ZNF532: variants seen among roughly 807,000 people sequenced by gnomAD.
ZNF532 encodes the protein zinc finger protein 532.
A neutral mutation model predicts 89.3 loss-of-function variants in ZNF532; 22 were observed. That is an observed-to-expected ratio of 0.25 (90% confidence interval 0.18 to 0.35). ZNF532 has a LOEUF of 0.35. ZNF532 is among the 10% of genes least tolerant of loss of function. The pLI, the probability that ZNF532 is intolerant of heterozygous loss-of-function variation, is 1.00. For missense variants in ZNF532, 1,132 were observed against 1,643.4 expected (o/e 0.69, Z 5.38); for synonymous variants, 606 against 649.6 (o/e 0.93, Z 1.02).
intron 5 of ZNF532, 33 bp downstream of exon 5, chr18:58,939,654 CT>C: frequency 6.3e-7 from 1 of 1,586,372 alleles, no homozygotes; most frequent in Non-Finnish European, 8.6e-7. Flanking sequence ...TTTTACTCCA[CT>C]GCTTTATTAG....
chr18:58,969,448 C>T (rs529083485), intron 7 of ZNF532, among the ~76,000 whole-genome samples: 5 of 152,222 alleles, frequency 3.3e-5, no homozygotes, highest in Non-Finnish European at 7.3e-5. Flanking sequence ...AGAGGGGCGT[C>T]TTCATCGCTG....
chr18:58,879,685 G>A (rs1020013879), intron 2 of ZNF532, among the ~76,000 whole-genome samples: 1 of 152,168 alleles, frequency 6.6e-6, no homozygotes, highest in African/African-American at 2.4e-5. Context: ...CACCATGCCC[G>A]GCTGTTGGCA....
At chr18:58,923,939 C>T (rs2061330452) in intron 3 of ZNF532, among the ~76,000 whole-genome samples, 1 of 152,148 alleles carries the variant, frequency 6.6e-6, no homozygotes, top group South Asian at 2.1e-4. Flanking sequence ...TCATGGCAAC[C>T]TCTGCCTCCT....
chr18:58,978,700 G>C (rs1250664246), intron 7 of ZNF532, among the ~76,000 whole-genome samples: 1 of 152,040 alleles, frequency 6.6e-6, no homozygotes, highest in African/African-American at 2.4e-5. Context: ...TGAAAGTTTG[G>C]GAACAGAAGT....
At chr18:58,863,699 G>C (rs932374278), upstream of ZNF532, 1 of 152,334 alleles carries the variant, frequency 6.6e-6, no homozygotes, top group African/African-American at 2.4e-5. Flanking sequence ...CATCCGAGCT[G>C]CGGCCCAGAC....
At chr18:58,970,503 A>C (rs947400230) in intron 7 of ZNF532, among the ~76,000 whole-genome samples, 1 of 152,234 alleles carries the variant, frequency 6.6e-6, no homozygotes, top group Non-Finnish European at 1.5e-5. Flanking sequence ...CAAATAGGGC[A>C]GCAAAGATTT....
At position 58,890,782 on chromosome 18, in the gene ZNF532, CCTCAGACCTCTTT is replaced by C. The variant is rs550485079; in HGVS notation, c.-18+25204_-18+25216del. Among the ~76,000 whole-genome samples, 57 of 152,066 alleles carry C rather than the reference CCTCAGACCTCTTT, an allele frequency of 3.7e-4. No homozygotes were observed. In the South Asian group the frequency reaches 5.4e-3, roughly 14 times the overall value. ...CTCCCCCACTCCACCTCTTCCTCTT[CCTCAGACCTCTTT>C]ACCTCTTCTTCCCGGTAGGTAAATG... On this transcript the variant is annotated intron_variant, in intron 2 of 9. Transcript: ENST00000591808.
At chr18:58,890,093 A>G (rs575426741) in intron 2 of ZNF532, among the ~76,000 whole-genome samples, 9 of 151,786 alleles carry the variant, frequency 5.9e-5, no homozygotes, top group Admixed American at 4.6e-4. Context: ...AAAGAAAAAA[A>G]AAAATTAGCT....
chr18:58,918,930 T>C lies in ZNF532; in HGVS notation c.643T>C (p.Tyr215His), dbSNP rs2060811566. ...AGCCAGTTCTATAAACCTGAGTGTTTATGAACCTTTTAAAGTCAGAAAAGC... is the reference window on the plus strand; with the variant it reads ...AGCCAGTTCTATAAACCTGAGTGTTCATGAACCTTTTAAAGTCAGAAAAGC... ...TEASSINLSV[Y>H]EPFKVRKAED... Residue 215 changes from tyrosine (Y) to histidine (H), a missense_variant, in exon 3 of 10, where the codon TAT (tyrosine) becomes CAT (histidine). By Grantham distance (83) the Tyr-to-His change is moderately conservative (BLOSUM62 2). Transcript: ENST00000591808. 1.2e-6 allele frequency: 2 copies of C among 1,613,934 alleles called. No individual in the cohort carries two copies. The highest frequency in any genetic ancestry group is 2.2e-5 in the East Asian group (1 of 44,882).
chr18:58,951,867 T>A (rs1208161364), intron 6 of ZNF532, among the ~76,000 whole-genome samples: 2 of 152,138 alleles, frequency 1.3e-5, no homozygotes, highest in African/African-American at 4.8e-5. Context: ...GCCAGGTTGG[T>A]CTCGATCTCC....
chr18:58,893,502 A>G (rs2059042845), intron 2 of ZNF532, among the ~76,000 whole-genome samples: 1 of 151,780 alleles, frequency 6.6e-6, no homozygotes, highest in Non-Finnish European at 1.5e-5. Flanking sequence ...ACAAAATACC[A>G]AATATTAGCC....
intron 2 of ZNF532, among the ~76,000 whole-genome samples, chr18:58,893,680 T>G (rs972506034): frequency 1.3e-5 from 2 of 149,082 alleles, no homozygotes; most frequent in African/African-American, 4.9e-5. Flanking sequence ...AAGAAAGAAA[T>G]GAGATAATTG....
At position 58,939,636 on chromosome 18, in the gene ZNF532, C is replaced by T; in HGVS notation, c.2705+15C>T. 1 of 1,603,870 alleles carries T rather than the reference C, an allele frequency of 6.2e-7. No homozygotes were observed. Among genetic ancestry groups the T allele is most frequent in the Non-Finnish European group, 8.5e-7 (1 of 1,175,672 alleles). ...GGAGAACCAAAGTAAGTCATACCGA[C>T]TTTCAAGTTTTACTCCACTGCTTTA... On this transcript the variant is annotated intron_variant, in intron 5 of 9. Transcript: ENST00000591808.
chr18:58,927,752 T>C (rs1291255704), intron 3 of ZNF532, among the ~76,000 whole-genome samples: 2 of 152,194 alleles, frequency 1.3e-5, no homozygotes, highest in African/African-American at 4.8e-5. Context: ...TGTCCTGTCT[T>C]CAAGGAGAGA....
At chr18:58,885,586 G>C (rs565496382) in intron 2 of ZNF532, among the ~76,000 whole-genome samples, 24 of 152,236 alleles carry the variant, frequency 1.6e-4, no homozygotes, top group Admixed American at 1.1e-3. Flanking sequence ...TGGGCATGGT[G>C]GCTCATGCCT....
Position 58,985,061 on chromosome 18 carries a change from GC to G in ZNF532, c.*597del, listed in dbSNP as rs2068261677. ...GGACGTGCCTTTGTCTTCAGGCCATGCCGAAGGGTGTTTAAAGCAGTCTTGC... is the reference window on the plus strand; with the variant it reads ...GGACGTGCCTTTGTCTTCAGGCCATGCGAAGGGTGTTTAAAGCAGTCTTGC... On this transcript the variant is annotated 3_prime_UTR_variant, in exon 10 of 10. Coordinates refer to ENST00000591808, the MANE Select transcript of ZNF532 (RefSeq NM_001375912.1). 6.6e-6 allele frequency: 1 copy of G among 152,500 alleles called. No individual in the cohort carries two copies. The highest frequency in any genetic ancestry group is 1.5e-5 in the Non-Finnish European group (1 of 68,348). The allele number at this position is 152,500 out of a possible 1,614,324, so 9.4% of individuals were successfully genotyped here.
At chr18:58,977,485 A>G (rs1408850012) in intron 7 of ZNF532, 4 of 152,056 alleles carry the variant, frequency 2.6e-5, no homozygotes, top group Non-Finnish European at 5.9e-5. Context: ...AGACTCAGCC[A>G]CTCCGATTTG....
intron 6 of ZNF532, among the ~76,000 whole-genome samples, chr18:58,952,889 A>T (rs530049483): frequency 1.3e-5 from 2 of 152,356 alleles, no homozygotes; most frequent in East Asian, 1.9e-4. Flanking sequence ...TTAAAAAGAC[A>T]TGAGTATCTA....
At chr18:58,863,822 G>C (rs2056184448), upstream of ZNF532, 1 of 152,488 alleles carries the variant, frequency 6.6e-6, no homozygotes, top group African/African-American at 2.4e-5. Context: ...AGGGCAGCCG[G>C]ACCCAGGGGC....
Sources: allele counts gnomAD v4.1 joint callset (sites outside exome capture counted in the v4.1 genomes callset), GRCh38; gene constraint gnomAD v4.1.1; transcripts MANE v1.5; gene names NCBI Gene and HGNC (gene_info 2026-07-23, HGNC 2026-07-21).